Variants in NRG3 observed in about 807,000 individuals in gnomAD.
NRG3 encodes the protein neuregulin 3, also known as pro-neuregulin-3, membrane-bound isoform.
In NRG3, 31 loss-of-function variants were observed where a neutral mutation model predicts 66.9. That is an observed-to-expected ratio of 0.46 (90% CI 0.35 to 0.63). NRG3 has a LOEUF of 0.63. NRG3 is among the 20% of genes least tolerant of loss of function. The pLI, the probability that NRG3 is intolerant of heterozygous loss-of-function variation, is 0.00. For synonymous variants in NRG3, 393 were observed against 359.4 expected (o/e 1.09, Z -1.06); for missense variants, 910 against 878.9 (o/e 1.04, Z -0.45).
intron 4 of NRG3, among the ~76,000 whole-genome samples, chr10:82,881,563 T>C (rs1381841146): frequency 6.6e-6 from 1 of 152,196 alleles, no homozygotes; most frequent in Non-Finnish European, 1.5e-5. Context: ...TGCTTTTCTA[T>C]TTCTGTGAGA....
intron 1 of NRG3, among the ~76,000 whole-genome samples, chr10:82,219,926 G>A (rs972395806): frequency 1.3e-5 from 2 of 151,814 alleles, no homozygotes; most frequent in Non-Finnish European, 1.5e-5. Flanking sequence ...AACACAATAA[G>A]ATATACATAC....
intron 3 of NRG3, among the ~76,000 whole-genome samples, chr10:82,754,922 T>C (rs1012893451): frequency 6.6e-6 from 1 of 152,170 alleles, no homozygotes. Flanking sequence ...TAGACTACTA[T>C]GCTTTTAATT....
At chr10:82,512,162 A>C (rs1381297709) in intron 2 of NRG3, among the ~76,000 whole-genome samples, 1 of 151,842 alleles carries the variant, frequency 6.6e-6, no homozygotes, top group Non-Finnish European at 1.5e-5. Context: ...TTTTGAGCTT[A>C]TTATAAAATC....
Position 82,958,953 on chromosome 10 carries a change from C to A in NRG3, c.1162C>A (p.Gln388Lys). ...CACGTTTATTTATGCCTGCAGGAAA[C>A]AAGCTAAACAAATCCAAGAGCAGCT... is the stretch of plus-strand genomic sequence containing the variant. ...CAAFYFKSKK[Q>K]AKQIQEQLKV... Residue 388 changes from glutamine (Q) to lysine (K), a missense_variant, in exon 6 of 9, where the codon CAA becomes AAA. By Grantham distance (53) the Gln-to-Lys change is moderately conservative. Coordinates refer to ENST00000372141, the MANE Select transcript of NRG3 (RefSeq NM_001010848.4). The A allele has an allele frequency of 6.3e-7, 1 of 1,582,034 alleles. No homozygotes were observed. The highest frequency in any genetic ancestry group is 1.2e-5 in the South Asian group (1 of 85,170).
At chr10:81,916,372 T>C (rs1161534756) in intron 1 of NRG3, among the ~76,000 whole-genome samples, 2 of 152,180 alleles carry the variant, frequency 1.3e-5, no homozygotes, top group Non-Finnish European at 2.9e-5. Flanking sequence ...AGAAACATAA[T>C]AATAAATAGT....
chr10:82,009,087 T>C (rs148176336), intron 1 of NRG3, among the ~76,000 whole-genome samples: 2 of 152,320 alleles, frequency 1.3e-5, no homozygotes, highest in East Asian at 3.9e-4. Flanking sequence ...TGTAGATGTA[T>C]CAAATATGTA....
At chr10:82,404,994 C>T (rs1356541111) in intron 2 of NRG3, among the ~76,000 whole-genome samples, 2 of 152,086 alleles carry the variant, frequency 1.3e-5, no homozygotes, top group Non-Finnish European at 2.9e-5. Flanking sequence ...CCCTGCTGCA[C>T]TGAGTTAGGA....
At position 82,288,110 on chromosome 10, in the gene NRG3, G is replaced by T. The variant is rs1052978678; in HGVS notation, c.824-70629G>T. On this transcript the variant is annotated intron_variant, in intron 1 of 8. Coordinates refer to ENST00000372141, the MANE Select transcript of NRG3 (RefSeq NM_001010848.4). ...TGATTACCAGGAGAATTGAAAGGCAGATCTTTTTTTGATGAATGTGAATTT... is the reference window on the plus strand; with the variant it reads ...TGATTACCAGGAGAATTGAAAGGCATATCTTTTTTTGATGAATGTGAATTT... Among the ~76,000 whole-genome samples the T allele has an allele frequency of 3.3e-5, 5 of 152,316 alleles. No individual in the cohort carries two copies. In the South Asian group the frequency reaches 1.0e-3, roughly 32 times the overall value.
chr10:81,997,437 C>T (rs1310898638), intron 1 of NRG3, among the ~76,000 whole-genome samples: 1 of 152,204 alleles, frequency 6.6e-6, no homozygotes, highest in African/African-American at 2.4e-5. Context: ...GAATGGTCAC[C>T]GCTGAGGCAT....
At chr10:82,247,979 T>G (rs953114793) in intron 1 of NRG3, among the ~76,000 whole-genome samples, 1 of 152,222 alleles carries the variant, frequency 6.6e-6, no homozygotes, top group Non-Finnish European at 1.5e-5. Flanking sequence ...ATCATTTACT[T>G]AACTCCATCA....
At chr10:81,983,481 T>A (rs748219068) in intron 1 of NRG3, among the ~76,000 whole-genome samples, 1 of 152,180 alleles carries the variant, frequency 6.6e-6, no homozygotes, top group Non-Finnish European at 1.5e-5. Context: ...TTGGAATGTA[T>A]TTTTGTGTGA....
At chr10:82,048,128 A>C (rs2063400478) in intron 1 of NRG3, among the ~76,000 whole-genome samples, 1 of 151,916 alleles carries the variant, frequency 6.6e-6, no homozygotes, top group Admixed American at 6.6e-5. Context: ...AAAGAGACTT[A>C]GACTCCCACA....
chr10:82,400,220 C>G (rs893604901), intron 2 of NRG3, among the ~76,000 whole-genome samples: 3 of 151,980 alleles, frequency 2.0e-5, no homozygotes, highest in Admixed American at 1.3e-4. Context: ...GTAATAAAAT[C>G]TGAAAATACT....
chr10:82,334,264 A>G (rs553500233), intron 1 of NRG3, among the ~76,000 whole-genome samples: 2 of 152,324 alleles, frequency 1.3e-5, no homozygotes, highest in Non-Finnish European at 2.9e-5. Flanking sequence ...GACATTCTCA[A>G]TGGACATTTA....
chr10:82,202,939 A>C (rs1412729163), intron 1 of NRG3, among the ~76,000 whole-genome samples: 1 of 152,216 alleles, frequency 6.6e-6, no homozygotes, highest in East Asian at 1.9e-4. Flanking sequence ...TGTGGACAAC[A>C]AGCTGTTCAC....
intron 3 of NRG3, among the ~76,000 whole-genome samples, chr10:82,801,115 T>C (rs141805030): frequency 9.5e-4 from 145 of 152,286 alleles, no homozygotes; most frequent in African/African-American, 3.4e-3. Flanking sequence ...AAAAGGAGCA[T>C]GTGATGGAAC....
At chr10:82,586,862 A>G (rs755068869) in intron 2 of NRG3, among the ~76,000 whole-genome samples, 1 of 152,190 alleles carries the variant, frequency 6.6e-6, no homozygotes, top group Non-Finnish European at 1.5e-5. Context: ...GAATGTAATC[A>G]AAAAGATATT....
intron 1 of NRG3, among the ~76,000 whole-genome samples, chr10:82,134,207 A>C (rs1243944306): frequency 2.6e-5 from 4 of 152,172 alleles, no homozygotes; most frequent in South Asian, 4.1e-4. Flanking sequence ...CCATTCTGTA[A>C]GTTGTCTTGT....
intron 1 of NRG3, among the ~76,000 whole-genome samples, chr10:82,263,534 A>G (rs1460611096): frequency 1.3e-5 from 2 of 152,172 alleles, no homozygotes; most frequent in Non-Finnish European, 2.9e-5. Flanking sequence ...AAAATGTTCA[A>G]AATAACATTT....
Sources: allele counts gnomAD v4.1 joint callset (sites outside exome capture counted in the v4.1 genomes callset), GRCh38; gene constraint gnomAD v4.1.1; transcripts MANE v1.5; gene names NCBI Gene and HGNC (gene_info 2026-07-23, HGNC 2026-07-21).